Variants in GRIP1 observed in about 807,000 individuals in gnomAD.
GRIP1 encodes glutamate receptor-interacting protein 1.
Under a neutral mutation model 129.9 loss-of-function variants are expected in GRIP1, and 45 were observed. The observed-to-expected ratio is 0.35, with a 90% confidence interval of 0.27 to 0.44. The LOEUF is 0.44. GRIP1 is among the 20% of genes least tolerant of loss of function. The pLI is 1.00. For synonymous variants in GRIP1, 530 were observed against 520.8 expected, an observed-to-expected ratio of 1.02 and a Z score of -0.24; for missense variants, 1,196 against 1,396.8, an observed-to-expected ratio of 0.86 and a Z score of 2.29.
At chr12:66,554,629 T>G (rs1296914674) in intron 2 of GRIP1, among the ~76,000 whole-genome samples, 1 of 152,106 alleles carries the variant, frequency 6.6e-6, no homozygotes, top group Admixed American at 6.5e-5. Context: ...TGAATGGCAT[T>G]TATGGACCTG....
intron 1 of GRIP1, among the ~76,000 whole-genome samples, chr12:66,979,318 A>T (rs571780039): frequency 6.8e-6 from 1 of 147,838 alleles, no homozygotes; most frequent in Admixed American, 6.9e-5. Flanking sequence ...TTCCTCTTAT[A>T]TGAATTCACA....
intron 1 of GRIP1, among the ~76,000 whole-genome samples, chr12:66,729,801 C>T (rs2036374551): frequency 6.6e-6 from 1 of 152,092 alleles, no homozygotes; most frequent in Non-Finnish European, 1.5e-5. Flanking sequence ...GTCTCGATCT[C>T]CTGACCTCGT....
At chr12:67,013,719 C>T (rs1416702628) in intron 1 of GRIP1, among the ~76,000 whole-genome samples, 1 of 152,108 alleles carries the variant, frequency 6.6e-6, no homozygotes, top group Non-Finnish European at 1.5e-5. Context: ...GGTTGTCTGC[C>T]CAATATCCAT....
chr12:66,692,772 T>C (rs2136319981), intron 1 of GRIP1, among the ~76,000 whole-genome samples: 1 of 152,240 alleles, frequency 6.6e-6, no homozygotes, highest in African/African-American at 2.4e-5. Context: ...AGCACAGTGA[T>C]AAGAGTGTGG....
chr12:66,680,559 T>C (rs1231866787), upstream of GRIP1, among the ~76,000 whole-genome samples: 1 of 152,190 alleles, frequency 6.6e-6, no homozygotes, highest in African/African-American at 2.4e-5. Context: ...TTAGCATAAA[T>C]CTTTCTTTGA....
At chr12:66,896,929 G>A (rs557016105) in intron 1 of GRIP1, among the ~76,000 whole-genome samples, 28 of 152,306 alleles carry the variant, frequency 1.8e-4, no homozygotes, top group South Asian at 6.2e-4. Context: ...ACACTCTTCC[G>A]AAGACCTGTT....
At chr12:67,018,495 T>A (rs2135736231) in intron 1 of GRIP1, among the ~76,000 whole-genome samples, 1 of 152,346 alleles carries the variant, frequency 6.6e-6, no homozygotes, top group Non-Finnish European at 1.5e-5. Flanking sequence ...CTGCGTTCAG[T>A]CTTTCTTTGT....
At chr12:66,558,319 C>T (rs1466056702) in intron 2 of GRIP1, among the ~76,000 whole-genome samples, 9 of 152,132 alleles carry the variant, frequency 5.9e-5, no homozygotes, top group East Asian at 3.9e-4. Context: ...CAGGCAAGGG[C>T]GAATGAGAGA....
At chr12:66,515,156 A>T (rs1436453799) in intron 7 of GRIP1, among the ~76,000 whole-genome samples, 1 of 152,050 alleles carries the variant, frequency 6.6e-6, no homozygotes, top group South Asian at 2.1e-4. Flanking sequence ...TCTTATCCCT[A>T]AATCTGATTG....
chr12:66,725,528 A>AT (rs1194653742), intron 1 of GRIP1, among the ~76,000 whole-genome samples: 1 of 152,050 alleles, frequency 6.6e-6, no homozygotes, highest in Non-Finnish European at 1.5e-5. Context: ...ACAAAATGAG[A>AT]TTTTTTTCTC....
intron 1 of GRIP1, among the ~76,000 whole-genome samples, chr12:66,699,155 A>C (rs1460770883): frequency 6.6e-6 from 1 of 152,172 alleles, no homozygotes; most frequent in Non-Finnish European, 1.5e-5. Context: ...GGATACACAA[A>C]CACAAGGAAC....
chr12:66,693,222 C>T (rs144294890), intron 1 of GRIP1, among the ~76,000 whole-genome samples: 24 of 152,260 alleles, frequency 1.6e-4, no homozygotes, highest in Middle Eastern at 6.8e-3. Context: ...CAGGGCCACA[C>T]GTGACCTGTA....
At chr12:66,676,292 G>A (rs886423677) in intron 1 of GRIP1, among the ~76,000 whole-genome samples, 1 of 152,094 alleles carries the variant, frequency 6.6e-6, no homozygotes, top group African/African-American at 2.4e-5. Flanking sequence ...GAATGTGGGT[G>A]TTTGTAGAAA....
In GRIP1 at chr12:66,946,730, G is replaced by A. The variant is rs570914573; in HGVS notation, c.58+122320C>T. ...GCTTGGGCTGGCCATGGTAGTTTAC[G>A]CCTGTAATTCCAGCACTTTGGGAGG... On this transcript the variant is annotated intron_variant, in intron 1 of 1. Transcript: ENST00000643019. Among the ~76,000 whole-genome samples, 22 of 130,800 alleles carry A rather than the reference G, an allele frequency of 1.7e-4. No individual in the cohort carries two copies. The East Asian group carries it at 3.7e-3, about 22-fold the overall frequency. The allele number at this position is 130,800 out of a possible 152,430, so 85.8% of individuals were successfully genotyped here. A position where few individuals can be genotyped will look rare whatever the true frequency, so the allele number is the denominator to read the frequency against.
chr12:66,743,953 G>A (rs547670456), intron 1 of GRIP1, among the ~76,000 whole-genome samples: 1 of 152,242 alleles, frequency 6.6e-6, no homozygotes, highest in South Asian at 2.1e-4. Flanking sequence ...TAGCTGTACA[G>A]AATTCCTTGT....
chr12:66,878,523 C>T (rs1178826050), intron 1 of GRIP1, among the ~76,000 whole-genome samples: 1 of 151,960 alleles, frequency 6.6e-6, no homozygotes, highest in Non-Finnish European at 1.5e-5. Context: ...AGGGAGACTG[C>T]AGAGGCAGGG....
intron 1 of GRIP1, among the ~76,000 whole-genome samples, chr12:66,613,119 G>A (rs1262506363): frequency 1.3e-5 from 2 of 152,142 alleles, no homozygotes; most frequent in African/African-American, 4.8e-5. Flanking sequence ...AATATAATAT[G>A]GTAAATCCTC....
At chr12:66,707,461 G>C in intron 1 of GRIP1, among the ~76,000 whole-genome samples, 1 of 142,624 alleles carries the variant, frequency 7.0e-6, no homozygotes, top group Non-Finnish European at 1.5e-5. Flanking sequence ...CTGAGTAGCA[G>C]TGACAGACCT....
chr12:66,766,825 G>A (rs2037655642), intron 1 of GRIP1, among the ~76,000 whole-genome samples: 2 of 152,186 alleles, frequency 1.3e-5, no homozygotes, highest in South Asian at 2.1e-4. Flanking sequence ...TCCTAGTTCA[G>A]TGTTGACACA....
Sources: allele counts gnomAD v4.1 joint callset (sites outside exome capture counted in the v4.1 genomes callset), GRCh38; gene constraint gnomAD v4.1.1; transcripts MANE v1.5; gene names NCBI Gene and HGNC (gene_info 2026-07-23, HGNC 2026-07-21).